MCPH1: variants seen among roughly 807,000 people sequenced by gnomAD.
MCPH1 encodes microcephalin 1, also known as microcephalin.
MCPH1 carries 104 observed loss-of-function variants against 84.5 expected under a neutral mutation model. The observed-to-expected ratio is 1.23, with a 90% CI of 1.05 to 1.45. MCPH1 has a LOEUF of 1.45. MCPH1 is among the 40% of genes most tolerant of loss of function. MCPH1 has a pLI of 0.00. For synonymous variants in MCPH1, 514 were observed against 366.8 expected (o/e 1.40, Z -4.58); for missense variants, 1,498 against 1,005.7 (o/e 1.49, Z -6.62).
At chr8:6,587,644 A>T (rs570541432) in intron 12 of MCPH1, among the ~76,000 whole-genome samples, 1 of 152,174 alleles carries the variant, frequency 6.6e-6, no homozygotes, top group East Asian at 1.9e-4. Flanking sequence ...TGGGGCCTGG[A>T]TGGCTTATTG....
chr8:6,474,051 C>G, intron 9 of MCPH1: 1 of 808,486 alleles, frequency 1.2e-6, no homozygotes, highest in Admixed American at 1.8e-5. Flanking sequence ...TGAAGTATTT[C>G]GTACAATATG....
At chr8:6,505,933 T>TAC (rs1372933429) in intron 12 of MCPH1, among the ~76,000 whole-genome samples, 1 of 73,824 alleles carries the variant, frequency 1.4e-5, no homozygotes, top group Non-Finnish European at 2.3e-5. Context: ...TATAAAAACA[T>TAC]ACATATTCTT....
At chr8:6,434,974 A>G (rs780711945) in intron 4 of MCPH1, among the ~76,000 whole-genome samples, 5 of 152,170 alleles carry the variant, frequency 3.3e-5, no homozygotes, top group African/African-American at 4.8e-5. Context: ...AAGAACAGAA[A>G]GTGGGGTGGG....
At chr8:6,548,087 C>T (rs2442592) in intron 12 of MCPH1, among the ~76,000 whole-genome samples, 100,097 of 151,860 alleles carry the variant, frequency 0.66, 35,153 homozygotes, top group Non-Finnish European at 0.78. Flanking sequence ...TCCCCCCTAG[C>T]GGAAGAACCT....
At chr8:6,571,172 T>C (rs1042880693) in intron 12 of MCPH1, among the ~76,000 whole-genome samples, 12 of 152,202 alleles carry the variant, frequency 7.9e-5, no homozygotes, top group Non-Finnish European at 1.3e-4. Context: ...AGGGAGTGGA[T>C]ACAATTGTAA....
chr8:6,542,030 T>G lies in MCPH1; in HGVS notation c.2214+42101T>G, dbSNP rs550567250. Among the ~76,000 whole-genome samples the G allele has an allele frequency of 6.1e-4, 92 of 150,520 alleles. No individual in the cohort carries two copies. The South Asian group carries it at 0.012, about 20-fold the overall frequency. On this transcript the variant is annotated intron_variant, in intron 12 of 13. Coordinates refer to ENST00000344683, the MANE Select transcript of MCPH1 (RefSeq NM_024596.5). ...CTCAAAAAAAAAAAAAAAAAAGTAC[T>G]GAATGATAAATGATTACAAATAGAA...
Position 6,644,037 on chromosome 8 carries a change from G to C in MCPH1, c.*988G>C, listed in dbSNP as rs975596520. On this transcript the variant is annotated 3_prime_UTR_variant, in exon 14 of 14. Transcript: ENST00000344683. ...AGGCTGAGGTGGACAGATCACTTGA[G>C]GTCAGGAGTTCGAGACCAGCCTGAC... 1 of 152,238 alleles carries C rather than the reference G, an allele frequency of 6.6e-6. No homozygotes were observed. Among genetic ancestry groups the C allele is most frequent in the Non-Finnish European group, 1.5e-5 (1 of 68,096 alleles). The allele number at this position is 152,238 out of a possible 1,614,324, so 9.4% of individuals were successfully genotyped here.
At chr8:6,586,742 G>A (rs771309792) in intron 12 of MCPH1, among the ~76,000 whole-genome samples, 1 of 152,292 alleles carries the variant, frequency 6.6e-6, no homozygotes, top group South Asian at 2.1e-4. Flanking sequence ...TATGGGCCGC[G>A]GGAGCCCTTG....
At chr8:6,608,050 G>A (rs1033763307) in intron 12 of MCPH1, among the ~76,000 whole-genome samples, 20 of 152,282 alleles carry the variant, frequency 1.3e-4, no homozygotes, top group African/African-American at 4.8e-4. Context: ...GGGGCTGAGG[G>A]GAGTGCTCAC....
intron 12 of MCPH1, among the ~76,000 whole-genome samples, chr8:6,573,165 G>A (rs1429370861): frequency 2.0e-5 from 3 of 152,214 alleles, no homozygotes; most frequent in Non-Finnish European, 4.4e-5. Flanking sequence ...CTTAGGAATT[G>A]GGGTTGTACC....
chr8:6,437,482 G>C (rs1200119720), intron 5 of MCPH1, among the ~76,000 whole-genome samples: 1 of 152,174 alleles, frequency 6.6e-6, no homozygotes, highest in Non-Finnish European at 1.5e-5. Context: ...GCCCGCTTCA[G>C]CCTCCCAAAG....
At chr8:6,516,592 G>T (rs532279669) in intron 12 of MCPH1, among the ~76,000 whole-genome samples, 1 of 152,202 alleles carries the variant, frequency 6.6e-6, no homozygotes, top group African/African-American at 2.4e-5. Flanking sequence ...AATGGTCAGT[G>T]CTGCTCACTT....
chr8:6,521,163 G>T, intron 12 of MCPH1: 1 of 1,599,826 alleles, frequency 6.3e-7, no homozygotes, highest in South Asian at 1.1e-5. Context: ...AAGAAAGCAT[G>T]ATATGTAAAC....
intron 12 of MCPH1, among the ~76,000 whole-genome samples, chr8:6,589,173 A>C (rs1270361055): frequency 6.6e-6 from 1 of 152,218 alleles, no homozygotes; most frequent in Non-Finnish European, 1.5e-5. Flanking sequence ...GATGGTCAGG[A>C]AATGTAGTGA....
intron 12 of MCPH1, among the ~76,000 whole-genome samples, chr8:6,582,687 A>C (rs1490003929): frequency 2.0e-5 from 3 of 152,114 alleles, no homozygotes; most frequent in African/African-American, 7.2e-5. Flanking sequence ...TCCCCGTCCA[A>C]GGAAACCACT....
chr8:6,527,598 A>C, intron 12 of MCPH1: 1 of 1,614,002 alleles, frequency 6.2e-7, no homozygotes, highest in Non-Finnish European at 8.5e-7. Flanking sequence ...GTCTGGTCCA[A>C]AATCTGTTTT....
At chr8:6,466,378 G>A (rs1806948555) in intron 9 of MCPH1, among the ~76,000 whole-genome samples, 1 of 151,248 alleles carries the variant, frequency 6.6e-6, no homozygotes, top group African/African-American at 2.4e-5. Context: ...TGCCATCTCG[G>A]CTCACTGCAA....
At chr8:6,627,540 G>A (rs1187504643) in intron 13 of MCPH1, among the ~76,000 whole-genome samples, 1 of 152,236 alleles carries the variant, frequency 6.6e-6, no homozygotes, top group Non-Finnish European at 1.5e-5. Context: ...ATAAATGAAT[G>A]AGAACTAAAA....
At chr8:6,474,825 A>G (rs1376594889) in intron 9 of MCPH1, among the ~76,000 whole-genome samples, 1 of 152,086 alleles carries the variant, frequency 6.6e-6, no homozygotes, top group South Asian at 2.1e-4. Context: ...ATAGCGAGAG[A>G]CCCCATCTTA....
Sources: gnomAD v4.1 joint callset for allele counts (sites outside exome capture counted in the v4.1 genomes callset) on GRCh38, gnomAD v4.1.1 for gene constraint, MANE v1.5 for transcripts, NCBI Gene and HGNC (gene_info 2026-07-23, HGNC 2026-07-21) for gene names.